Variants in MRPS9 observed in about 807,000 individuals in gnomAD.
The protein encoded by MRPS9 is mitochondrial ribosomal protein S9.
Under a neutral mutation model 59.9 loss-of-function variants are expected in MRPS9, and 45 were observed. That is an observed-to-expected ratio of 0.75 (90% CI 0.59 to 0.96). The LOEUF is 0.96. MRPS9 is among the 40% of genes least tolerant of loss of function. The pLI, the probability that MRPS9 is intolerant of heterozygous loss-of-function variation, is 0.00. For missense variants in MRPS9, 473 were observed against 481.1 expected, an observed-to-expected ratio of 0.98 and a Z score of 0.16; for synonymous variants, 171 against 166.8, an observed-to-expected ratio of 1.03 and a Z score of -0.19.
intron 9 of MRPS9, among the ~76,000 whole-genome samples, chr2:105,094,419 A>T (rs192962441): frequency 6.6e-6 from 1 of 152,164 alleles, no homozygotes; most frequent in Admixed American, 6.5e-5. Context: ...ACTTACTGTC[A>T]TTATCCACGA....
intron 2 of MRPS9, among the ~76,000 whole-genome samples, chr2:105,070,999 G>T (rs990214001): frequency 6.6e-6 from 1 of 152,206 alleles, no homozygotes; most frequent in Non-Finnish European, 1.5e-5. Context: ...TTGCTCTTAA[G>T]CACATTTCCA....
intron 2 of MRPS9, among the ~76,000 whole-genome samples, chr2:105,059,932 T>C (rs1259667306): frequency 6.6e-6 from 1 of 150,772 alleles, no homozygotes; most frequent in South Asian, 2.1e-4. Flanking sequence ...CTGGTTGACC[T>C]AATTTTACCT....
At chr2:105,072,100 G>A (rs1324611250) in intron 4 of MRPS9, among the ~76,000 whole-genome samples, 2 of 152,122 alleles carry the variant, frequency 1.3e-5, no homozygotes, top group Admixed American at 6.6e-5. Flanking sequence ...CTTATCCAGT[G>A]AGGACCAGTA....
chr2:105,088,949 T>A, intron 5 of MRPS9, 35 bp from the exon 6 acceptor site: 6 of 1,431,540 alleles, frequency 4.2e-6, no homozygotes, highest in Non-Finnish European at 5.8e-6. Context: ...ATTGCTCTTA[T>A]TTTTAGCATG....
chr2:105,099,103 C>CA (rs376313606), intron 10 of MRPS9: 4 of 151,884 alleles, frequency 2.6e-5, no homozygotes, highest in Non-Finnish European at 2.9e-5. Context: ...GATTCTAAAA[C>CA]AAAAAAACAG....
chr2:105,089,081 T>G lies in MRPS9; in HGVS notation c.575+12T>G. 6.3e-7 allele frequency: 1 copy of G among 1,592,882 alleles called. No individual in the cohort carries two copies. On this transcript the variant is annotated intron_variant, in intron 6 of 10. Coordinates refer to ENST00000258455, the MANE Select transcript of MRPS9 (RefSeq NM_182640.3). ...AAAACTGTAACCAGGTAAGCTCTTTTCTTGCATTAAAATATAAGTAAAATT... is the reference window on the plus strand; with the variant it reads ...AAAACTGTAACCAGGTAAGCTCTTTGCTTGCATTAAAATATAAGTAAAATT...
chr2:105,088,418 A>T (rs1015919829), intron 5 of MRPS9, among the ~76,000 whole-genome samples: 4 of 152,174 alleles, frequency 2.6e-5, no homozygotes, highest in Non-Finnish European at 2.9e-5. Context: ...ACATGCATTC[A>T]CAGATTTTGT....
intron 4 of MRPS9, among the ~76,000 whole-genome samples, chr2:105,073,355 A>C (rs1321229981): frequency 6.6e-6 from 1 of 152,160 alleles, no homozygotes; most frequent in Non-Finnish European, 1.5e-5. Context: ...TTTTGAAAAT[A>C]TGTCACTCCT....
rs765341948 is a variant in MRPS9, at chr2:105,097,196, G to T, written c.971G>T (p.Gly324Val). Residue 324 changes from glycine (G) to valine (V), a missense_variant, in exon 10 of 11, where the codon GGA (glycine) becomes GTA (valine). Physicochemically the swap from Gly to Val is moderately radical, Grantham distance 109. Transcript: ENST00000258455. ...MFPFHFVDRL[G>V]KHDVTCTVSG... Reference sequence around the variant, plus strand: ...CCTTTCCACTTTGTTGACCGGCTGGGAAAGCACGACGTGACCTGCACAGTC... The same window carrying T: ...CCTTTCCACTTTGTTGACCGGCTGGTAAAGCACGACGTGACCTGCACAGTC... 6.2e-7 allele frequency: 1 copy of T among 1,601,720 alleles called. No individual in the cohort carries two copies. The highest frequency in any genetic ancestry group is 1.3e-5 in the African/African-American group (1 of 74,292).
chr2:105,047,822 G>C (rs1679620869), intron 1 of MRPS9, among the ~76,000 whole-genome samples: 1 of 152,038 alleles, frequency 6.6e-6, no homozygotes, highest in South Asian at 2.1e-4. Flanking sequence ...CAGCATAAAA[G>C]GACCAGCAGC....
chr2:105,068,954 A>C (rs2104453085), intron 2 of MRPS9, among the ~76,000 whole-genome samples: 1 of 152,262 alleles, frequency 6.6e-6, no homozygotes, highest in South Asian at 2.1e-4. Flanking sequence ...GGGTAAATTC[A>C]TTGAGTCAGA....
intron 2 of MRPS9, among the ~76,000 whole-genome samples, chr2:105,069,848 C>CAA (rs35040674): frequency 2.3e-5 from 3 of 130,796 alleles, no homozygotes; most frequent in Non-Finnish European, 1.7e-5. Context: ...CTCATCTCTA[C>CAA]AAAAAAAAAA....
chr2:105,050,843 C>T (rs1679699205), intron 2 of MRPS9, among the ~76,000 whole-genome samples: 1 of 152,160 alleles, frequency 6.6e-6, no homozygotes, highest in South Asian at 2.1e-4. Flanking sequence ...TAGAGTCATA[C>T]AGTATTTGGT....
At chr2:105,070,223 G>A (rs1010104222) in intron 2 of MRPS9, among the ~76,000 whole-genome samples, 3 of 152,088 alleles carry the variant, frequency 2.0e-5, no homozygotes, top group African/African-American at 7.2e-5. Flanking sequence ...TCCCACATCA[G>A]CCTCCCACAG....
intron 5 of MRPS9, 126 bp from the exon 6 acceptor site, chr2:105,088,858 C>A: frequency 2.0e-6 from 1 of 496,524 alleles, no homozygotes; most frequent in Non-Finnish European, 3.5e-6. Flanking sequence ...TACTCTGCAG[C>A]TTGATTCTCT....
chr2:105,051,156 T>C (rs1429338876), intron 2 of MRPS9, among the ~76,000 whole-genome samples: 3 of 152,230 alleles, frequency 2.0e-5, no homozygotes, highest in Admixed American at 6.5e-5. Context: ...TATATTTTCT[T>C]CTTCTAGTTT....
At chr2:105,090,564 G>A (rs898383456) in intron 7 of MRPS9, among the ~76,000 whole-genome samples, 2 of 152,154 alleles carry the variant, frequency 1.3e-5, no homozygotes, top group African/African-American at 2.4e-5. Context: ...GGGAGTTACC[G>A]AGGAATCTTT....
chr2:105,094,217 C>T (rs979219418), intron 9 of MRPS9, among the ~76,000 whole-genome samples: 2 of 152,110 alleles, frequency 1.3e-5, no homozygotes, highest in Non-Finnish European at 2.9e-5. Flanking sequence ...AAAATAAGAA[C>T]TCATCAGGCT....
chr2:105,049,432 C>T (rs1462520263), intron 2 of MRPS9, 82 bp downstream of exon 2: 3 of 1,195,492 alleles, frequency 2.5e-6, no homozygotes, highest in East Asian at 2.5e-5. Context: ...AGCCCCTTAG[C>T]TCTGTGTTTT....
Sources: gnomAD v4.1 joint callset for allele counts (sites outside exome capture counted in the v4.1 genomes callset) on GRCh38, gnomAD v4.1.1 for gene constraint, MANE v1.5 for transcripts, NCBI Gene and HGNC (gene_info 2026-07-23, HGNC 2026-07-21) for gene names.